The following TTC39A variants were observed in gnomAD, a reference collection of about 807,000 sequenced individuals.
The protein encoded by TTC39A is tetratricopeptide repeat protein 39A.
In TTC39A, 46 loss-of-function variants were observed where a neutral mutation model predicts 82.3. The ratio of observed to expected loss-of-function variants is 0.56; its 90% confidence interval spans 0.44 to 0.71. The LOEUF is 0.71. Among genes scored for constraint, TTC39A ranks in the 30% least tolerant of loss-of-function variants. The pLI is 0.00. For synonymous variants in TTC39A, 254 were observed against 275.2 expected, an observed-to-expected ratio of 0.92 and a Z score of 0.76; for missense variants, 543 against 712.9, an observed-to-expected ratio of 0.76 and a Z score of 2.71.
chr1:51,299,741 C>T (rs1164798320), intron 12 of TTC39A: 2 of 152,286 alleles, frequency 1.3e-5, no homozygotes, highest in Non-Finnish European at 2.9e-5. Flanking sequence ...CAGGTCTCTC[C>T]TTCCCCATAT....
intron 1 of TTC39A, among the ~76,000 whole-genome samples, chr1:51,327,217 G>C (rs759762486): frequency 6.6e-6 from 1 of 152,188 alleles, no homozygotes; most frequent in African/African-American, 2.4e-5. Context: ...AGGTGGGTGT[G>C]GGGTGGGTGA....
intron 9 of TTC39A, 82 bp downstream of exon 9, chr1:51,303,002 G>T: frequency 7.9e-7 from 1 of 1,270,574 alleles, no homozygotes; most frequent in Non-Finnish European, 1.1e-6. Context: ...CACAGGGCAT[G>T]AACAGGGTCT....
upstream of TTC39A, chr1:51,330,722 C>G (rs1216936647): frequency 4.1e-6 from 3 of 724,752 alleles, no homozygotes; most frequent in Non-Finnish European, 3.5e-6. The surrounding 1 kb of genome is among the most constrained non-coding windows in gnomAD (Gnocchi z 4.5). Context: ...CCCCCACCCC[C>G]GCTCCGACAG....
chr1:51,298,600 G>A (rs565013577), intron 12 of TTC39A: 1 of 152,330 alleles, frequency 6.6e-6, no homozygotes, highest in South Asian at 2.1e-4. Context: ...GGGATGTACA[G>A]GGGCTATGCT....
At chr1:51,291,864 T>C (rs1274962110) in intron 14 of TTC39A, among the ~76,000 whole-genome samples, 1 of 151,890 alleles carries the variant, frequency 6.6e-6, no homozygotes, top group African/African-American at 2.4e-5. Flanking sequence ...TTCCTTTTGT[T>C]TGTTTGTTTT....
upstream of TTC39A, chr1:51,330,924 T>G: frequency 1.6e-6 from 1 of 614,254 alleles, no homozygotes. The surrounding 1 kb of genome is among the most constrained non-coding windows in gnomAD (Gnocchi z 4.5). Context: ...CCCGCATTAA[T>G]GGGGGCATTC....
chr1:51,342,677 A>T (rs1444426274), intron 1 of TTC39A, among the ~76,000 whole-genome samples: 1 of 152,124 alleles, frequency 6.6e-6, no homozygotes, highest in Non-Finnish European at 1.5e-5. Context: ...TGGGTGTGAG[A>T]CCTTGTGTGG....
chr1:51,332,867 G>A (rs1307385412), upstream of TTC39A, among the ~76,000 whole-genome samples: 6 of 152,156 alleles, frequency 3.9e-5, no homozygotes, highest in East Asian at 1.2e-3. Flanking sequence ...ATGGTTCAGT[G>A]TACACAAACT....
At chr1:51,318,489 G>C (rs1289067455) in intron 2 of TTC39A, among the ~76,000 whole-genome samples, 1 of 152,092 alleles carries the variant, frequency 6.6e-6, no homozygotes, top group African/African-American at 2.4e-5. Flanking sequence ...ACACGCCCTG[G>C]AACACCCACC....
chr1:51,319,545 C>T (rs1645415215), intron 2 of TTC39A, among the ~76,000 whole-genome samples: 2 of 152,166 alleles, frequency 1.3e-5, no homozygotes, highest in Admixed American at 6.5e-5. Flanking sequence ...AGAGCCAATC[C>T]TAAACCTTTC....
At chr1:51,291,824 C>A (rs953368722) in intron 14 of TTC39A, among the ~76,000 whole-genome samples, 3 of 149,292 alleles carry the variant, frequency 2.0e-5, no homozygotes, top group East Asian at 2.0e-4. Context: ...AAAAAAAATT[C>A]TTTTCACCAT....
At chr1:51,298,054 TC>T (rs910888599) in intron 12 of TTC39A, 2 of 152,620 alleles carry the variant, frequency 1.3e-5, no homozygotes, top group African/African-American at 4.8e-5. Context: ...TCCCCCGACC[TC>T]CCCTTACAAA....
intron 1 of TTC39A, among the ~76,000 whole-genome samples, chr1:51,340,644 T>C (rs896824310): frequency 6.6e-6 from 1 of 152,228 alleles, no homozygotes; most frequent in Non-Finnish European, 1.5e-5. Flanking sequence ...AGTAGTCTCC[T>C]GAGCTTTTTC....
intron 1 of TTC39A, among the ~76,000 whole-genome samples, chr1:51,339,518 C>T (rs1646010722): frequency 6.6e-6 from 1 of 152,196 alleles, no homozygotes; most frequent in Non-Finnish European, 1.5e-5. Flanking sequence ...ATTGGGCCCT[C>T]CCAGAAGTGG....
upstream of TTC39A, chr1:51,331,145 G>A: frequency 6.7e-7 from 1 of 1,483,584 alleles, no homozygotes; most frequent in Non-Finnish European, 9.2e-7. Context: ...TTCACGCATG[G>A]TCACTCACCT....
At chr1:51,323,931 T>C (rs1645618024) in intron 1 of TTC39A, among the ~76,000 whole-genome samples, 1 of 152,212 alleles carries the variant, frequency 6.6e-6, no homozygotes, top group Non-Finnish European at 1.5e-5. Flanking sequence ...CTTGTGTGTT[T>C]TGCAATTATA....
At chr1:51,308,242 C>A (rs530398568) in intron 6 of TTC39A, among the ~76,000 whole-genome samples, 1 of 151,822 alleles carries the variant, frequency 6.6e-6, no homozygotes, top group Non-Finnish European at 1.5e-5. Flanking sequence ...GCCGCCACCC[C>A]CCCTTTTTTT....
At chr1:51,340,937 C>T (rs978781238) in intron 1 of TTC39A, among the ~76,000 whole-genome samples, 8 of 152,212 alleles carry the variant, frequency 5.3e-5, no homozygotes, top group Admixed American at 2.0e-4. Flanking sequence ...TTTGGGAGGC[C>T]GAGGCTGATG....
At position 51,294,469 on chromosome 1, in the gene TTC39A, T is replaced by C. The variant is rs1272540861; in HGVS notation, c.1188A>G (p.Leu396=). Residue 396 remains leucine (L), a synonymous_variant, in exon 14 of 18, where the codon CTA becomes CTG. Coordinates refer to ENST00000680483, the MANE Select transcript of TTC39A (RefSeq NM_001297663.2). The surrounding 1 kb of genome is among the most constrained non-coding windows in gnomAD (Gnocchi z 4.3). ...TCCGGATGGCAAACTTCTCTGTGGG[T>C]AGAGATTTCCCAGCAATCTTGAGCT... ...GLKLKIAGKS[L]PTEKFAIRKS... is the part of the protein sequence containing the mutation. The C allele has an allele frequency of 6.2e-7, 1 of 1,613,670 alleles. No homozygotes were observed. The highest frequency in any genetic ancestry group is 2.2e-5 in the East Asian group (1 of 44,862).
Sources: allele counts gnomAD v4.1 joint callset (sites outside exome capture counted in the v4.1 genomes callset), GRCh38; gene constraint gnomAD v4.1.1; non-coding constraint Gnocchi (gnomAD v3.1); transcripts MANE v1.5; gene names NCBI Gene and HGNC (gene_info 2026-07-23, HGNC 2026-07-21).